PIP4P2: variants seen among roughly 807,000 people sequenced by gnomAD.
PIP4P2 encodes phosphatidylinositol-4,5-bisphosphate 4-phosphatase 2, also known as type 2 phosphatidylinositol 4,5-bisphosphate 4-phosphatase.
In PIP4P2, 19 loss-of-function variants were observed where a neutral mutation model predicts 33.3. That is an observed-to-expected ratio of 0.57 (90% CI 0.40 to 0.84). The LOEUF (loss-of-function observed/expected upper bound fraction) is 0.84, where lower values mean the gene tolerates loss of function less well. PIP4P2 is among the 40% of genes least tolerant of loss of function. The pLI is 0.00. For synonymous variants in PIP4P2, 110 were observed against 111.9 expected, an observed-to-expected ratio of 0.98 and a Z score of 0.11; for missense variants, 270 against 324.7, an observed-to-expected ratio of 0.83 and a Z score of 1.29.
chr8:91,009,470 T>G (rs1457617492), intron 4 of PIP4P2, among the ~76,000 whole-genome samples: 13 of 152,096 alleles, frequency 8.5e-5, no homozygotes, highest in Admixed American at 8.5e-4. Flanking sequence ...ATGAAATATA[T>G]TTTGTTAAAT....
chr8:90,994,278 A>C lies in PIP4P2; in HGVS notation c.*1399T>G, dbSNP rs1329333672. ...TGGAATAAAACAAGGTAATTTTTGAACAATAATCTTTATTAGTGTATTTTT... is the reference window on the plus strand; with the variant it reads ...TGGAATAAAACAAGGTAATTTTTGACCAATAATCTTTATTAGTGTATTTTT... On this transcript the variant is annotated 3_prime_UTR_variant, in exon 7 of 7. Transcript: ENST00000285419. The C allele has an allele frequency of 6.6e-6, 1 of 152,168 alleles. No homozygotes were observed. Among genetic ancestry groups the C allele is most frequent in the East Asian group, 1.9e-4 (1 of 5,200 alleles). The allele number at this position is 152,168 out of a possible 1,614,324, so 9.4% of individuals were successfully genotyped here. A position where few individuals can be genotyped will look rare whatever the true frequency, so the allele number is the denominator to read the frequency against.
intron 4 of PIP4P2, 40 bp from the exon 5 acceptor site, chr8:91,008,835 CT>C (rs1400136539): frequency 2.6e-6 from 4 of 1,525,520 alleles, no homozygotes; most frequent in Non-Finnish European, 3.6e-6. Context: ...AAGAAAACAA[CT>C]GAAAACTATC....
At chr8:91,013,033 C>A (rs1811860039) in intron 4 of PIP4P2, among the ~76,000 whole-genome samples, 1 of 152,204 alleles carries the variant, frequency 6.6e-6, no homozygotes, top group South Asian at 2.1e-4. Context: ...CTCTCAAATT[C>A]TTTATGCTAT....
intron 5 of PIP4P2, among the ~76,000 whole-genome samples, chr8:91,002,556 G>A (rs1811713222): frequency 1.3e-5 from 2 of 152,146 alleles, no homozygotes; most frequent in Non-Finnish European, 2.9e-5. Context: ...GGCAGCCAGG[G>A]ATGGCTTTAT....
Position 91,018,528 on chromosome 8 carries a change from A to G in PIP4P2, c.363-15T>C. 1 of 1,611,306 alleles carries G rather than the reference A, an allele frequency of 6.2e-7. No homozygotes were observed. The highest frequency in any genetic ancestry group is 8.5e-7 in the Non-Finnish European group (1 of 1,179,200). ...TTATCCGTCTACTGTGAAAAGAGAAAGGAAACAACTTCACTATCCCACAAA... is the reference window on the plus strand; with the variant it reads ...TTATCCGTCTACTGTGAAAAGAGAAGGGAAACAACTTCACTATCCCACAAA... On this transcript the variant is annotated splice_polypyrimidine_tract_variant and intron_variant, in intron 3 of 6. Transcript: ENST00000285419.
chr8:91,007,423 G>C (rs1420074631), intron 5 of PIP4P2, among the ~76,000 whole-genome samples: 1 of 151,918 alleles, frequency 6.6e-6, no homozygotes, highest in East Asian at 1.9e-4. Flanking sequence ...AACCATTCTT[G>C]GGATTTCTCA....
chr8:90,997,314 T>C (rs1811641785), intron 5 of PIP4P2, among the ~76,000 whole-genome samples: 1 of 152,094 alleles, frequency 6.6e-6, no homozygotes, highest in Admixed American at 6.6e-5. Context: ...AAAATTCTGA[T>C]GGATGAATAT....
intron 5 of PIP4P2, among the ~76,000 whole-genome samples, chr8:91,001,894 A>G (rs1048337262): frequency 6.6e-6 from 1 of 152,106 alleles, no homozygotes; most frequent in Non-Finnish European, 1.5e-5. Flanking sequence ...CAGGCTCCCT[A>G]GACTGATACT....
intron 5 of PIP4P2, among the ~76,000 whole-genome samples, chr8:90,998,437 T>C (rs1430010769): frequency 6.6e-6 from 1 of 152,068 alleles, no homozygotes; most frequent in Non-Finnish European, 1.5e-5. Flanking sequence ...ACAACTCAAG[T>C]GCCATCTCCT....
intron 1 of PIP4P2, among the ~76,000 whole-genome samples, chr8:91,026,234 T>C (rs2130374877): frequency 6.6e-6 from 1 of 152,268 alleles, no homozygotes; most frequent in East Asian, 1.9e-4. Flanking sequence ...CCCAATCTGC[T>C]TGCTGTTTCT....
intron 1 of PIP4P2, 87 bp from the exon 2 acceptor site, chr8:91,021,491 A>C: frequency 7.0e-7 from 1 of 1,433,880 alleles, no homozygotes; most frequent in African/African-American, 1.4e-5. Context: ...TAAAGAAGAA[A>C]CAATCAAGAT....
intron 4 of PIP4P2, among the ~76,000 whole-genome samples, chr8:91,011,430 T>G (rs1344999514): frequency 6.6e-6 from 1 of 152,060 alleles, no homozygotes; most frequent in African/African-American, 2.4e-5. Flanking sequence ...TTCATTCTTC[T>G]GGGAAATTAT....
intron 5 of PIP4P2, among the ~76,000 whole-genome samples, chr8:91,004,103 T>C (rs1563561902): frequency 6.6e-6 from 1 of 152,152 alleles, no homozygotes; most frequent in Admixed American, 6.6e-5. Context: ...TAAGAGTCCC[T>C]GGACTGTTGG....
chr8:91,033,895 T>A (rs902640736), intron 1 of PIP4P2, among the ~76,000 whole-genome samples: 15 of 152,322 alleles, frequency 9.8e-5, no homozygotes, highest in African/African-American at 3.1e-4. Context: ...TCCTCCAGCA[T>A]CAGGCTCATG....
chr8:91,022,582 C>T (rs539795627), intron 1 of PIP4P2, among the ~76,000 whole-genome samples: 1 of 152,144 alleles, frequency 6.6e-6, no homozygotes, highest in East Asian at 1.9e-4. Flanking sequence ...TCTCAAGAGG[C>T]TTCTGTAACA....
chr8:91,029,437 C>T lies in PIP4P2; in HGVS notation c.107-8033G>A, dbSNP rs550527814. ...TTTCTAATGAGGACAAAGATCTGACCACATGCTCTGCTGGATCACTTCTGT... is the reference window on the plus strand; with the variant it reads ...TTTCTAATGAGGACAAAGATCTGACTACATGCTCTGCTGGATCACTTCTGT... On this transcript the variant is annotated intron_variant, in intron 1 of 6. Coordinates refer to ENST00000285419, the MANE Select transcript of PIP4P2 (RefSeq NM_018710.3). Among the ~76,000 whole-genome samples, 17 of 152,232 alleles carry T rather than the reference C, an allele frequency of 1.1e-4. No individual in the cohort carries two copies. The South Asian group carries it at 2.7e-3, about 24-fold the overall frequency.
rs373564150 is a variant in PIP4P2 at position 90,998,067 on chromosome 8, A to G, written c.540-1323T>C. Reference sequence around the variant, plus strand: ...GCAGGATTCATTGCTTTTATGTAACATTTAGCCCTAGTCTATTTTTGGTTT... The same window carrying G: ...GCAGGATTCATTGCTTTTATGTAACGTTTAGCCCTAGTCTATTTTTGGTTT... On this transcript the variant is annotated intron_variant, in intron 5 of 6. Transcript: ENST00000285419. Among the ~76,000 whole-genome samples, 39 of 152,066 alleles carry G rather than the reference A, an allele frequency of 2.6e-4. No individual in the cohort carries two copies. The East Asian group carries it at 4.8e-3, about 19-fold the overall frequency.
intron 5 of PIP4P2, 142 bp downstream of exon 5, chr8:91,008,601 A>T: frequency 1.8e-6 from 1 of 568,452 alleles, no homozygotes; most frequent in Non-Finnish European, 3.0e-6. Context: ...ATATCTTTTT[A>T]GTCTTAAAAA....
intron 1 of PIP4P2, among the ~76,000 whole-genome samples, chr8:91,034,705 G>A (rs1008752874): frequency 7.2e-5 from 11 of 152,086 alleles, no homozygotes; most frequent in Admixed American, 4.6e-4. Flanking sequence ...GTGGGTTTCC[G>A]AATCCTTGGC....
Sources: allele counts gnomAD v4.1 joint callset (sites outside exome capture counted in the v4.1 genomes callset), GRCh38; gene constraint gnomAD v4.1.1; transcripts MANE v1.5; gene names NCBI Gene and HGNC (gene_info 2026-07-23, HGNC 2026-07-21).